Variants in ITGA9 observed in about 807,000 individuals in gnomAD.
ITGA9 encodes integrin alpha-9.
A neutral mutation model predicts 127.8 loss-of-function variants in ITGA9; 56 were observed. The observed-to-expected ratio is 0.44, with a 90% CI of 0.35 to 0.55. The LOEUF (loss-of-function observed/expected upper bound fraction) is 0.55. Ranked by LOEUF, ITGA9 falls within the 20% of genes least tolerant of loss-of-function variation. ITGA9 has a pLI of 0.00. For missense variants in ITGA9, 1,196 were observed against 1,347.1 expected (o/e 0.89, Z 1.76); for synonymous variants, 508 against 514.5 (o/e 0.99, Z 0.17).
At chr3:37,803,966 C>T (rs1273043843) in intron 27 of ITGA9, 24 bp downstream of exon 27, 2 of 1,613,866 alleles carry the variant, frequency 1.2e-6, no homozygotes, top group Non-Finnish European at 1.7e-6. Context: ...TTGCAGGTCC[C>T]CCTGGGGTCC....
rs1699880341 is a variant in ITGA9 at position 37,597,501 on chromosome 3, C to G, written c.1690-31686C>G. ...AGAAAAGGCAGGATACGAGGTAGAA[C>G]TCCCACAGTTTCCTCATCTCTATTG... On this transcript the variant is annotated intron_variant, in intron 15 of 27. Coordinates refer to ENST00000264741, the MANE Select transcript of ITGA9 (RefSeq NM_002207.3). The surrounding 1 kb of genome is among the most constrained non-coding windows in gnomAD (Gnocchi z 4.6). Among the ~76,000 whole-genome samples, 1 of 152,178 alleles carries G rather than the reference C, an allele frequency of 6.6e-6. No individual in the cohort carries two copies. Among genetic ancestry groups the G allele is most frequent in the Non-Finnish European group, 1.5e-5 (1 of 68,028 alleles).
At position 37,610,731 on chromosome 3, in the gene ITGA9, TCTCA is replaced by T. The variant is rs141940812; in HGVS notation, c.1690-18451_1690-18448del. On this transcript the variant is annotated intron_variant, in intron 15 of 27. Coordinates refer to ENST00000264741, the MANE Select transcript of ITGA9 (RefSeq NM_002207.3). ...AGATGCTGAAAGGAACAAAAGGAAA[TCTCA>T]CTCAGTCATCCATCTGCCAGTATTT... is the stretch of plus-strand genomic sequence containing the variant. Among the ~76,000 whole-genome samples, 317 of 152,266 alleles carry T rather than the reference TCTCA, an allele frequency of 2.1e-3. 1 individual carries two copies. Among genetic ancestry groups the T allele is most frequent in the African/African-American group, 7.2e-3 (298 of 41,560 alleles).
chr3:37,649,168 G>A (rs1258722506), intron 16 of ITGA9, among the ~76,000 whole-genome samples: 1 of 148,270 alleles, frequency 6.7e-6, no homozygotes, highest in Non-Finnish European at 1.5e-5. Context: ...GAAAAAGAGG[G>A]ACAAAAGAAC....
intron 17 of ITGA9, among the ~76,000 whole-genome samples, chr3:37,657,237 A>G (rs1014272719): frequency 1.3e-5 from 2 of 152,218 alleles, no homozygotes; most frequent in African/African-American, 4.8e-5. Context: ...CTCTTGTTCT[A>G]TTGAATGGAA....
intron 17 of ITGA9, among the ~76,000 whole-genome samples, chr3:37,681,242 G>T (rs1410298161): frequency 6.6e-6 from 1 of 152,208 alleles, no homozygotes; most frequent in Non-Finnish European, 1.5e-5. Flanking sequence ...ATGTGGGGTG[G>T]TTCAGAGCAT....
rs376640107 is a variant in ITGA9, at chr3:37,785,039, G to A, written c.2850G>A (p.Arg950=). Residue 950 remains arginine, a synonymous_variant, in exon 26 of 28, where the codon AGG becomes AGA. Coordinates refer to ENST00000264741, the MANE Select transcript of ITGA9 (RefSeq NM_002207.3). ...RAKVKVDPAL[R]VVEIAHGNPE... Reference sequence around the variant, plus strand: ...AGGTGAAGGTGGATCCTGCCCTAAGGGTGGTGGAAATAGCTCATGGGAACC... The same window carrying A: ...AGGTGAAGGTGGATCCTGCCCTAAGAGTGGTGGAAATAGCTCATGGGAACC... 26 of 1,613,994 alleles carry A rather than the reference G, an allele frequency of 1.6e-5. No homozygotes were observed. In the East Asian group the frequency reaches 4.0e-4, roughly 25 times the overall value.
chr3:37,687,143 G>A (rs1700789654), intron 18 of ITGA9, among the ~76,000 whole-genome samples: 1 of 152,146 alleles, frequency 6.6e-6, no homozygotes, highest in South Asian at 2.1e-4. Flanking sequence ...TGAACAAAGT[G>A]GAAGATCAGA....
At chr3:37,600,398 T>G (rs562462096) in intron 15 of ITGA9, among the ~76,000 whole-genome samples, 57 of 152,294 alleles carry the variant, frequency 3.7e-4, no homozygotes, top group African/African-American at 1.4e-3. Context: ...TGCTGTCCTA[T>G]TCCTCTGTGG....
At chr3:37,768,033 T>C (rs947232184) in intron 23 of ITGA9, among the ~76,000 whole-genome samples, 19 of 152,330 alleles carry the variant, frequency 1.2e-4, no homozygotes, top group Middle Eastern at 6.8e-3. Context: ...ATCCACCCTT[T>C]GTAGGTTATC....
intron 17 of ITGA9, among the ~76,000 whole-genome samples, chr3:37,657,195 C>T (rs980757230): frequency 1.3e-5 from 2 of 152,140 alleles, no homozygotes; most frequent in South Asian, 2.1e-4. Context: ...TCAGATGATG[C>T]TGGCCTCATA....
chr3:37,711,050 G>A (rs1318493252), intron 18 of ITGA9, among the ~76,000 whole-genome samples: 1 of 152,224 alleles, frequency 6.6e-6, no homozygotes, highest in African/African-American at 2.4e-5. Flanking sequence ...CTGCAGTCAG[G>A]ATGTTGGCTG....
At chr3:37,686,739 G>A (rs1344858358) in intron 18 of ITGA9, among the ~76,000 whole-genome samples, 1 of 152,230 alleles carries the variant, frequency 6.6e-6, no homozygotes, top group Admixed American at 6.5e-5. Context: ...TCTTGTAGCT[G>A]CTGTGGAGGC....
intron 3 of ITGA9, among the ~76,000 whole-genome samples, chr3:37,478,484 T>C (rs1698517426): frequency 6.6e-6 from 1 of 152,238 alleles, no homozygotes; most frequent in Admixed American, 6.5e-5. Context: ...TTGAAATGTG[T>C]CAGATTCTAA....
At chr3:37,615,325 C>A (rs895442609) in intron 15 of ITGA9, among the ~76,000 whole-genome samples, 24 of 152,178 alleles carry the variant, frequency 1.6e-4, no homozygotes, top group African/African-American at 4.8e-4. Context: ...CCCACTTGAT[C>A]GTGGTGGATA....
intron 5 of ITGA9, among the ~76,000 whole-genome samples, chr3:37,494,926 A>G (rs1198155378): frequency 6.6e-6 from 1 of 152,172 alleles, no homozygotes; most frequent in East Asian, 1.9e-4. Flanking sequence ...GTGCAGATAC[A>G]TGAAGCGTGT....
intron 26 of ITGA9, among the ~76,000 whole-genome samples, chr3:37,797,927 C>T (rs997332036): frequency 5.3e-5 from 8 of 152,094 alleles, no homozygotes; most frequent in African/African-American, 1.7e-4. Context: ...CAAGTTGATC[C>T]ACCCGCCTTG....
At chr3:37,604,984 G>A (rs1699955074) in intron 15 of ITGA9, among the ~76,000 whole-genome samples, 1 of 152,176 alleles carries the variant, frequency 6.6e-6, no homozygotes, top group South Asian at 2.1e-4. Flanking sequence ...ATAGACATGA[G>A]TACTCTTCAC....
intron 1 of ITGA9, among the ~76,000 whole-genome samples, chr3:37,453,465 G>T (rs1252071186): frequency 2.6e-5 from 4 of 152,184 alleles, no homozygotes; most frequent in Non-Finnish European, 5.9e-5. Context: ...ACTAAGGGGG[G>T]GTTGGTGCCC....
intron 15 of ITGA9, among the ~76,000 whole-genome samples, chr3:37,557,067 A>C (rs1457109029): frequency 6.6e-6 from 1 of 152,210 alleles, no homozygotes; most frequent in Admixed American, 6.5e-5. Flanking sequence ...ACTTCACTGC[A>C]GTGTTTTTGG....
Sources: gnomAD v4.1 joint callset for allele counts (sites outside exome capture counted in the v4.1 genomes callset) on GRCh38, gnomAD v4.1.1 for gene constraint, Gnocchi (gnomAD v3.1) non-coding constraint, MANE v1.5 for transcripts, NCBI Gene and HGNC (gene_info 2026-07-23, HGNC 2026-07-21) for gene names.